Variants in SEC16B observed in about 807,000 individuals in gnomAD.
SEC16B encodes protein transport protein Sec16B.
SEC16B carries 115 observed loss-of-function variants against 141.8 expected under a neutral mutation model. That is an observed-to-expected ratio of 0.81 (90% confidence interval 0.70 to 0.95). SEC16B has a LOEUF of 0.95. Ranked by LOEUF, SEC16B falls within the 40% of genes least tolerant of loss-of-function variation. SEC16B has a pLI of 0.00. For synonymous variants in SEC16B, 493 were observed against 492.5 expected, an observed-to-expected ratio of 1.00 and a Z score of -0.01; for missense variants, 1,291 against 1,312.3, an observed-to-expected ratio of 0.98 and a Z score of 0.25.
At chr1:177,933,716 C>G in intron 20 of SEC16B, 80 bp from the exon 21 acceptor site, 1 of 1,424,754 alleles carries the variant, frequency 7.0e-7, no homozygotes, top group South Asian at 1.2e-5. Context: ...CCTCACCTGA[C>G]CTGCTCAGAA....
intron 5 of SEC16B, among the ~76,000 whole-genome samples, chr1:177,962,111 G>A (rs1653113888): frequency 1.3e-5 from 2 of 152,000 alleles, no homozygotes; most frequent in South Asian, 4.2e-4. Flanking sequence ...GTCTCACTCT[G>A]TCACCAGGCT....
chr1:177,940,094 C>T (rs1333242436), intron 17 of SEC16B, among the ~76,000 whole-genome samples: 1 of 152,178 alleles, frequency 6.6e-6, no homozygotes, highest in Non-Finnish European at 1.5e-5. Flanking sequence ...TTAAAAAATC[C>T]ACCCTGTCTT....
At chr1:177,937,784 C>T (rs552924705) in intron 18 of SEC16B, among the ~76,000 whole-genome samples, 3 of 152,086 alleles carry the variant, frequency 2.0e-5, no homozygotes, top group Non-Finnish European at 2.9e-5. Context: ...TAACAGACTC[C>T]CTTTTGGCCA....
At position 177,946,394 on chromosome 1, in the gene SEC16B, T is replaced by C. The variant is rs1212952630; in HGVS notation, c.1775+26A>G. On this transcript the variant is annotated intron_variant, in intron 14 of 25. Coordinates refer to ENST00000308284, the MANE Select transcript of SEC16B (RefSeq NM_033127.4). ...ACAGTCCCTTGGAAAATGTCCTTAC[T>C]GTTTCCTTTCTCCCAGGTCGCATAC... 2.0e-6 allele frequency: 3 copies of C among 1,479,470 alleles called. No homozygotes were observed. The Admixed American group carries it at 5.9e-5, about 29-fold the overall frequency. 91.6% of individuals were successfully genotyped at this position (1,479,470 alleles called of 1,614,324 possible).
chr1:177,929,785 G>T lies in SEC16B; in HGVS notation c.*73C>A, dbSNP rs753687928. 3 of 1,525,122 alleles carry T rather than the reference G, an allele frequency of 2.0e-6. No homozygotes were observed. Among genetic ancestry groups the T allele is most frequent in the Admixed American group, 3.6e-5 (2 of 54,856 alleles). 94.5% of individuals were successfully genotyped at this position (1,525,122 alleles called of 1,614,324 possible). On this transcript the variant is annotated 3_prime_UTR_variant, in exon 26 of 26. Coordinates refer to ENST00000308284, the MANE Select transcript of SEC16B (RefSeq NM_033127.4). ...TGAGGGTCCCAATATGGTAGAGAGG[G>T]GCTGGGAGATTGAGAAAAAGAGAGC...
chr1:177,974,524 T>G (rs887161812), upstream of SEC16B, among the ~76,000 whole-genome samples: 2 of 152,134 alleles, frequency 1.3e-5, no homozygotes, highest in African/African-American at 4.8e-5. Context: ...ATGCCAAACC[T>G]AGGAGGAATA....
At chr1:177,968,081 T>C in intron 1 of SEC16B, 42 bp from the exon 2 acceptor site, 1 of 1,214,078 alleles carries the variant, frequency 8.2e-7, no homozygotes, top group Non-Finnish European at 1.1e-6. Flanking sequence ...ACTTGAAGCC[T>C]ATATCCAAAC....
At chr1:177,954,130 C>G in intron 11 of SEC16B, 149 bp downstream of exon 11, 1 of 557,966 alleles carries the variant, frequency 1.8e-6, no homozygotes, top group Non-Finnish European at 3.2e-6. Flanking sequence ...CAGAGAAATG[C>G]TATGTCCAGC....
chr1:177,932,533 C>T lies in SEC16B; in HGVS notation c.2969G>A (p.Gly990Glu), dbSNP rs914461590. 8 of 1,560,292 alleles carry T rather than the reference C, an allele frequency of 5.1e-6. No homozygotes were observed. The highest frequency in any genetic ancestry group is 2.7e-5 in the African/African-American group (2 of 73,056). Residue 990 changes from glycine to glutamate, a missense_variant, in exon 24 of 26, where the codon GGA becomes GAA. By Grantham distance (98) the Gly-to-Glu change is moderately conservative. Around this residue, in one of 3 missense-constraint regions of SEC16B, gnomAD observed 605 missense variants for 614.1 expected, o/e 0.99. Transcript: ENST00000308284. ...TCCAACCCCAGCGCCCGCAGCTGCTCCCCCGCTGGATGCGGATCCTCGGCC... is the reference window on the plus strand; with the variant it reads ...TCCAACCCCAGCGCCCGCAGCTGCTTCCCCGCTGGATGCGGATCCTCGGCC... ...GEGRGSASSG[G>E]AAAGAGVGGL...
chr1:177,955,535 CG>C (rs369185680), intron 10 of SEC16B, among the ~76,000 whole-genome samples: 15 of 151,534 alleles, frequency 9.9e-5, no homozygotes, highest in African/African-American at 3.6e-4. Flanking sequence ...TTTGTAGAGA[CG>C]GGGTTTCTCC....
intron 14 of SEC16B, chr1:177,945,235 T>C (rs931478241): frequency 2.0e-5 from 3 of 152,440 alleles, no homozygotes; most frequent in Non-Finnish European, 2.9e-5. Flanking sequence ...GTGAATGTGA[T>C]CTGGTTGGGG....
chr1:177,963,016 G>A (rs1049670322), intron 5 of SEC16B, among the ~76,000 whole-genome samples: 5 of 151,740 alleles, frequency 3.3e-5, no homozygotes, highest in Admixed American at 1.3e-4. Context: ...GCCGAGGCAG[G>A]AGGATCACTT....
In SEC16B at chr1:177,954,307, G is replaced by A; in HGVS notation, c.1435C>T (p.Pro479Ser). The change falls in exon 11 of 26, where the codon CCA becomes TCA. Residue 479 changes from proline (P) to serine (S), a missense_variant. Coordinates refer to ENST00000308284, the MANE Select transcript of SEC16B (RefSeq NM_033127.4). ...HALFLSSKMDPQTYSWVMSGF... is the reference protein window; with the variant it reads ...HALFLSSKMDSQTYSWVMSGF... ...CTCATGACCCAGCTGTAGGTCTGTG[G>A]GTCCATCTTGCTGGACAGGAACAAA... 2 of 1,570,260 alleles carry A rather than the reference G, an allele frequency of 1.3e-6. No homozygotes were observed. The highest frequency in any genetic ancestry group is 2.3e-5 in the South Asian group (2 of 85,130).
rs1279900502 is a variant in SEC16B at position 177,946,430 on chromosome 1, T to C, written c.1765A>G (p.Ser589Gly). 2 of 1,567,490 alleles carry C rather than the reference T, an allele frequency of 1.3e-6. No homozygotes were observed. The highest frequency in any genetic ancestry group is 8.7e-7 in the Non-Finnish European group (1 of 1,156,002). ...VKTDHLVLLG[S>G]SHSQEFLKFA... ...TCCCAGGTCGCATACCTGTGGCTGCTGCCCAGCAAGACCAGATGGTCTGTC... is the reference window on the plus strand; with the variant it reads ...TCCCAGGTCGCATACCTGTGGCTGCCGCCCAGCAAGACCAGATGGTCTGTC... Residue 589 changes from serine to glycine, a missense_variant, in exon 14 of 26, where the codon AGC (serine) becomes GGC (glycine). Around this residue, in one of 3 missense-constraint regions of SEC16B, gnomAD observed 605 missense variants for 614.1 expected, o/e 0.99. Coordinates refer to ENST00000308284, the MANE Select transcript of SEC16B (RefSeq NM_033127.4).
chr1:177,946,041 C>T (rs1179279599), intron 14 of SEC16B: 1 of 430,296 alleles, frequency 2.3e-6, no homozygotes, highest in Non-Finnish European at 4.1e-6. Flanking sequence ...CCTGGGTAGG[C>T]TCTCAGAACA....
intron 11 of SEC16B, 127 bp from the exon 12 acceptor site, chr1:177,952,122 T>G (rs1445444333): frequency 1.3e-6 from 1 of 764,946 alleles, no homozygotes; most frequent in Non-Finnish European, 2.2e-6. Flanking sequence ...TGAGCATCGC[T>G]TTGCTTTCTG....
intron 3 of SEC16B, 85 bp downstream of exon 3, chr1:177,965,807 AC>A (rs1653469990): frequency 2.6e-6 from 2 of 761,922 alleles, no homozygotes; most frequent in Non-Finnish European, 4.4e-6. Context: ...GAGGGTCTGA[AC>A]ATGGCTCCTT....
chr1:177,944,135 C>T (rs1253346802), intron 15 of SEC16B, among the ~76,000 whole-genome samples: 1 of 152,106 alleles, frequency 6.6e-6, no homozygotes, highest in Admixed American at 6.5e-5. Context: ...CAAAAGAGGC[C>T]GGAGAAGGAG....
intron 18 of SEC16B, among the ~76,000 whole-genome samples, chr1:177,937,892 A>T (rs1557969513): frequency 1.3e-5 from 2 of 152,048 alleles, no homozygotes; most frequent in African/African-American, 4.8e-5. Flanking sequence ...TGCAGTTTAG[A>T]CACAACTGAC....
Sources: gnomAD v4.1 joint callset for allele counts (sites outside exome capture counted in the v4.1 genomes callset) on GRCh38, gnomAD v4.1.1 for gene constraint, gnomAD v4.1.1 regional missense constraint, MANE v1.5 for transcripts, NCBI Gene and HGNC (gene_info 2026-07-23, HGNC 2026-07-21) for gene names.